The following PTPRT variants were observed in gnomAD, a reference collection of about 807,000 sequenced individuals.
The protein encoded by PTPRT is protein tyrosine phosphatase receptor type T.
A neutral mutation model predicts 176.8 loss-of-function variants in PTPRT; 56 were observed. The ratio of observed to expected loss-of-function variants is 0.32; its 90% CI spans 0.26 to 0.40. The LOEUF is 0.40. Ranked by LOEUF, PTPRT falls within the 10% of genes least tolerant of loss-of-function variation. PTPRT has a pLI of 1.00. For synonymous variants in PTPRT, 783 were observed against 739.0 expected, an observed-to-expected ratio of 1.06 and a Z score of -0.96; for missense variants, 1,540 against 1,908.2, an observed-to-expected ratio of 0.81 and a Z score of 3.60.
At position 42,756,474 on chromosome 20, in the gene PTPRT, G is replaced by C; in HGVS notation, c.847C>G (p.Leu283Val). Residue 283 changes from leucine to valine, a missense_variant, in exon 6 of 31, where the codon CTG becomes GTG. Transcript: ENST00000373187. ...GGSGVSNYAE[L>V]IVKEPPTPIA... The stretch of plus-strand genomic sequence containing the variant: ...TGGAGGCACTCACCTTTCACGATCA[G>C]CTCCGCGTAGTTGGACACACCAGAC... The C allele has an allele frequency of 6.3e-7, 1 of 1,577,476 alleles. No homozygotes were observed. Among genetic ancestry groups the C allele is most frequent in the Non-Finnish European group, 8.6e-7 (1 of 1,158,190 alleles).
At chr20:42,539,414 A>G (rs112008052) in intron 7 of PTPRT, among the ~76,000 whole-genome samples, 2,174 of 149,566 alleles carry the variant, frequency 0.015, 55 homozygotes, top group African/African-American at 0.051. Context: ...TTAGTACTTG[A>G]ATGGGAAACC....
chr20:43,173,559 C>G (rs2015055063), intron 1 of PTPRT, among the ~76,000 whole-genome samples: 1 of 152,238 alleles, frequency 6.6e-6, no homozygotes, highest in Non-Finnish European at 1.5e-5. Flanking sequence ...AGAAAGTAAA[C>G]TCAACTAACT....
intron 15 of PTPRT, among the ~76,000 whole-genome samples, chr20:42,201,765 A>G (rs1461325777): frequency 6.7e-6 from 1 of 149,840 alleles, no homozygotes; most frequent in Non-Finnish European, 1.5e-5. Flanking sequence ...TGCCCTGACT[A>G]CACCTTATGC....
chr20:42,704,593 C>G (rs773097984), intron 6 of PTPRT, among the ~76,000 whole-genome samples: 4 of 152,128 alleles, frequency 2.6e-5, no homozygotes, highest in Non-Finnish European at 4.4e-5. Context: ...ATCCTGTTAA[C>G]TGGAAAACCC....
At chr20:42,532,682 A>G (rs918672943) in intron 7 of PTPRT, among the ~76,000 whole-genome samples, 1 of 152,166 alleles carries the variant, frequency 6.6e-6, no homozygotes, top group Non-Finnish European at 1.5e-5. Context: ...TTAAATAACT[A>G]AAGAGGCCCT....
chr20:42,992,709 C>T (rs941011669), intron 1 of PTPRT, among the ~76,000 whole-genome samples: 2 of 152,188 alleles, frequency 1.3e-5, no homozygotes, highest in Non-Finnish European at 2.9e-5. Context: ...AAAATGATCT[C>T]AATCATTTAT....
intron 1 of PTPRT, among the ~76,000 whole-genome samples, chr20:42,949,359 G>T (rs1981086162): frequency 6.6e-6 from 1 of 152,170 alleles, no homozygotes. Context: ...CTATTCTGAG[G>T]TGGCCATGAT....
intron 1 of PTPRT, among the ~76,000 whole-genome samples, chr20:43,050,994 G>A (rs1281068165): frequency 6.6e-6 from 1 of 152,134 alleles, no homozygotes; most frequent in African/African-American, 2.4e-5. Context: ...TCTATTCTCT[G>A]GAATGACAAA....
At chr20:43,088,343 T>G (rs902332050) in intron 1 of PTPRT, among the ~76,000 whole-genome samples, 1 of 139,046 alleles carries the variant, frequency 7.2e-6, no homozygotes, top group African/African-American at 2.8e-5. Context: ...GGTGTGTGTG[T>G]GTGTGTGTGT....
chr20:42,056,399 G>T, the PTPRT span, among the ~76,000 whole-genome samples: 1 of 152,164 alleles, frequency 6.6e-6, no homozygotes, highest in South Asian at 2.1e-4. Context: ...CATTGTGGAG[G>T]CATGAAAAAT....
chr20:42,829,390 T>C (rs957593018), intron 2 of PTPRT, among the ~76,000 whole-genome samples: 6 of 152,144 alleles, frequency 3.9e-5, no homozygotes, highest in Non-Finnish European at 7.3e-5. Context: ...ACTTGGACTA[T>C]TGAGTTAATG....
At chr20:42,621,228 C>A (rs1285776152) in intron 7 of PTPRT, among the ~76,000 whole-genome samples, 1 of 152,192 alleles carries the variant, frequency 6.6e-6, no homozygotes, top group Non-Finnish European at 1.5e-5. Flanking sequence ...GCCTGCCCTC[C>A]AGCTCCTCGG....
At chr20:42,209,479 C>G (rs1310324087) in intron 15 of PTPRT, among the ~76,000 whole-genome samples, 1 of 152,080 alleles carries the variant, frequency 6.6e-6, no homozygotes, top group Non-Finnish European at 1.5e-5. Flanking sequence ...CCACCAATCC[C>G]ACAGAAATGC....
At chr20:43,081,076 GCTTGTCATTTGT>G (rs894921518) in intron 1 of PTPRT, among the ~76,000 whole-genome samples, 7 of 152,226 alleles carry the variant, frequency 4.6e-5, no homozygotes, top group Non-Finnish European at 1.0e-4. Flanking sequence ...GCTGAAGCTG[GCTTGTCATTTGT>G]CTTCTTTGGT....
chr20:43,084,946 A>G (rs1305890787), intron 1 of PTPRT, among the ~76,000 whole-genome samples: 1 of 152,228 alleles, frequency 6.6e-6, no homozygotes, highest in Non-Finnish European at 1.5e-5. Flanking sequence ...TTAATAAAGT[A>G]ATAACATACC....
At chr20:42,109,193 A>C (rs1175136278) in intron 23 of PTPRT, among the ~76,000 whole-genome samples, 3 of 152,184 alleles carry the variant, frequency 2.0e-5, no homozygotes, top group Non-Finnish European at 4.4e-5. Context: ...TGGCTCTGAG[A>C]CATCCACAGC....
chr20:42,087,243 A>T (rs569733790), intron 27 of PTPRT, among the ~76,000 whole-genome samples: 1 of 150,804 alleles, frequency 6.6e-6, no homozygotes, highest in South Asian at 2.1e-4. Context: ...TATTATTATT[A>T]TTTTTGAGAC....
intron 27 of PTPRT, among the ~76,000 whole-genome samples, chr20:42,086,753 A>AAATATATATATATATATATATATAT (rs1983991312): frequency 1.0e-5 from 1 of 95,538 alleles, no homozygotes; most frequent in African/African-American, 4.9e-5. Context: ...AAAAAAAAAA[A>AAATATATATATATATATATATATAT]ATATATATAT....
chr20:42,666,590 A>C (rs1156380206), intron 7 of PTPRT, among the ~76,000 whole-genome samples: 2 of 152,182 alleles, frequency 1.3e-5, no homozygotes, highest in Non-Finnish European at 2.9e-5. Flanking sequence ...AACTGTATTA[A>C]ACCCATCAAT....
Sources: allele counts gnomAD v4.1 joint callset (sites outside exome capture counted in the v4.1 genomes callset), GRCh38; gene constraint gnomAD v4.1.1; transcripts MANE v1.5; gene names NCBI Gene and HGNC (gene_info 2026-07-23, HGNC 2026-07-21).